The following MCF2L2 variants were observed in gnomAD, a reference collection of about 807,000 sequenced individuals.
MCF2L2 encodes probable guanine nucleotide exchange factor MCF2L2.
MCF2L2 carries 102 observed loss-of-function variants against 150.2 expected under a neutral mutation model. The observed-to-expected ratio is 0.68, with a 90% CI of 0.58 to 0.80. The LOEUF (loss-of-function observed/expected upper bound fraction) is 0.80, where lower values mean the gene tolerates loss of function less well. Among genes scored for constraint, MCF2L2 ranks in the 30% least tolerant of loss-of-function variants. The probability of loss-of-function intolerance (pLI) is 0.00; values close to 1 mark genes in which losing one functional copy is unlikely to be tolerated. For missense variants in MCF2L2, 1,256 were observed against 1,372.8 expected (o/e 0.91, Z 1.34); for synonymous variants, 465 against 491.3 (o/e 0.95, Z 0.71).
rs749060886 is a variant in MCF2L2, at chr3:183,338,861, T to C, written c.425A>G (p.Gln142Arg). The change falls in exon 5 of 30, where the codon CAG becomes CGG. Residue 142 changes from glutamine to arginine, a missense_variant. By Grantham distance (43) the Gln-to-Arg change is conservative (BLOSUM62 1). Coordinates refer to ENST00000328913, the MANE Select transcript of MCF2L2 (RefSeq NM_015078.4). ...AATGCCAATGTCAGTGAATGTCCTCTGGATAAAGCGAGATGGACGAAGGAT... is the reference window on the plus strand; with the variant it reads ...AATGCCAATGTCAGTGAATGTCCTCCGGATAAAGCGAGATGGACGAAGGAT... ...IFILRPSRFI[Q>R]RTFTDIGIKY... 3 of 1,608,622 alleles carry C rather than the reference T, an allele frequency of 1.9e-6. No homozygotes were observed. The highest frequency in any genetic ancestry group is 1.1e-5 in the South Asian group (1 of 90,574).
intron 13 of MCF2L2, among the ~76,000 whole-genome samples, chr3:183,293,908 G>A (rs1007052739): frequency 1.8e-4 from 27 of 151,948 alleles, no homozygotes; most frequent in African/African-American, 6.0e-4. Context: ...CACTCAAAAC[G>A]ACTGCATTGT....
chr3:183,345,409 CA>C (rs1409520694), intron 3 of MCF2L2, among the ~76,000 whole-genome samples: 10 of 152,160 alleles, frequency 6.6e-5, no homozygotes, highest in East Asian at 5.8e-4. Flanking sequence ...CTCTGGGACA[CA>C]GCTAAAGCAG....
At position 183,199,065 on chromosome 3, in the gene MCF2L2, CT is replaced by C. The variant is rs1722168904; in HGVS notation, c.2885-3811del. 2.0e-5 allele frequency among the ~76,000 whole-genome samples: 3 copies of C among 152,176 alleles called. No individual in the cohort carries two copies. The South Asian group carries it at 6.2e-4, about 32-fold the overall frequency. ...AGTTACCTACAGTTTAAATCAAGAA[CT>C]TATGTTGCTTGGTTTTTGTGACAGA... On this transcript the variant is annotated intron_variant, in intron 25 of 29. Coordinates refer to ENST00000328913, the MANE Select transcript of MCF2L2 (RefSeq NM_015078.4).
rs1472052523 is a variant in MCF2L2, at chr3:183,251,701, C to T, written c.1863-20684G>A. ...ATGCACTCCCTCTTGATAAAAGTAA[C>T]TGAGCATAGCACCATCAATACCATC... On this transcript the variant is annotated intron_variant, in intron 15 of 29. Coordinates refer to ENST00000328913, the MANE Select transcript of MCF2L2 (RefSeq NM_015078.4). Among the ~76,000 whole-genome samples, 8 of 152,072 alleles carry T rather than the reference C, an allele frequency of 5.3e-5. No homozygotes were observed. In the East Asian group the frequency reaches 1.5e-3, roughly 29 times the overall value.
At chr3:183,206,914 A>AAAGGAAGGAAGGAAGGAAGG (rs199935132) in intron 23 of MCF2L2, among the ~76,000 whole-genome samples, 1 of 123,360 alleles carries the variant, frequency 8.1e-6, no homozygotes, top group African/African-American at 3.1e-5. Flanking sequence ...AGAAAGAAAG[A>AAAGGAAGGAAGGAAGGAAGG]AAGGAAGGAA....
intron 20 of MCF2L2, among the ~76,000 whole-genome samples, chr3:183,220,952 T>G (rs771292652): frequency 3.3e-5 from 5 of 152,224 alleles, no homozygotes; most frequent in African/African-American, 7.2e-5. Context: ...CTGTCTTTAA[T>G]GGTATAAGCT....
intron 3 of MCF2L2, among the ~76,000 whole-genome samples, chr3:183,356,196 A>T (rs141688918): frequency 0.011 from 1,599 of 150,372 alleles, 72 homozygotes; most frequent in Admixed American, 0.071. Context: ...CTCTGCCTCT[A>T]GAGCAAAGTA....
At chr3:183,293,473 A>C (rs1430044015) in intron 13 of MCF2L2, among the ~76,000 whole-genome samples, 1 of 152,176 alleles carries the variant, frequency 6.6e-6, no homozygotes, top group Non-Finnish European at 1.5e-5. Context: ...AAAGAAGAAA[A>C]ACCATATCAT....
At chr3:183,266,032 C>T (rs1406786844) in intron 15 of MCF2L2, 1 of 152,152 alleles carries the variant, frequency 6.6e-6, no homozygotes, top group Non-Finnish European at 1.5e-5. Context: ...AAGATAAATA[C>T]GTACATGTTG....
chr3:183,422,807 C>T (rs750601408), intron 1 of MCF2L2, among the ~76,000 whole-genome samples: 4 of 152,134 alleles, frequency 2.6e-5, no homozygotes, highest in African/African-American at 4.8e-5. Context: ...AAACAACTTC[C>T]AGAGGCTTTA....
At position 183,341,570 on chromosome 3, in the gene MCF2L2, GCTCCACTTGT is replaced by G; in HGVS notation, c.326_335del (p.Asp109AlafsTer3). 1 of 1,613,958 alleles carries G rather than the reference GCTCCACTTGT, an allele frequency of 6.2e-7. No homozygotes were observed. The highest frequency in any genetic ancestry group is 8.5e-7 in the Non-Finnish European group (1 of 1,179,826). On this transcript the variant is annotated frameshift_variant, in exon 4 of 30. Transcript: ENST00000328913. LOFTEE classifies it high-confidence loss of function. ...TTCGTGTCAAGGATGCCTTTACGGA[GCTCCACTTGT>G]CTCTTCGTCTGTCGATAACAACAAT...
rs753403674 is a variant in MCF2L2, at chr3:183,270,108, C to T, written c.1862+6764G>A. 2.4e-5 allele frequency: 38 copies of T among 1,614,066 alleles called. No individual in the cohort carries two copies. The highest frequency in any genetic ancestry group is 3.1e-5 in the Non-Finnish European group (37 of 1,180,042). On this transcript the variant is annotated intron_variant, in intron 15 of 29. Transcript: ENST00000328913. The surrounding 1 kb of genome is among the most constrained non-coding windows in gnomAD (Gnocchi z 4.5). ...AACTGCTCCTGAAAACTATGATCGACGTTCCGGAATTAGAAGGACGTGGGG... is the reference window on the plus strand; with the variant it reads ...AACTGCTCCTGAAAACTATGATCGATGTTCCGGAATTAGAAGGACGTGGGG...
chr3:183,387,376 G>C (rs141207559), intron 2 of MCF2L2, among the ~76,000 whole-genome samples: 28 of 152,248 alleles, frequency 1.8e-4, no homozygotes, highest in Non-Finnish European at 3.7e-4. Flanking sequence ...AAGCAGAAGT[G>C]TCTTCTGCGC....
chr3:183,358,761 C>T (rs904918631), intron 3 of MCF2L2, among the ~76,000 whole-genome samples: 1 of 151,972 alleles, frequency 6.6e-6, no homozygotes, highest in African/African-American at 2.4e-5. Flanking sequence ...GCTGGGACTA[C>T]AGGCATGTTC....
At chr3:183,293,026 G>C (rs1304388849) in intron 13 of MCF2L2, among the ~76,000 whole-genome samples, 1 of 152,204 alleles carries the variant, frequency 6.6e-6, no homozygotes, top group Non-Finnish European at 1.5e-5. Flanking sequence ...AATGATGATG[G>C]ATGTAAACAT....
At chr3:183,312,876 C>G (rs1017659634) in intron 7 of MCF2L2, among the ~76,000 whole-genome samples, 1 of 152,188 alleles carries the variant, frequency 6.6e-6, no homozygotes, top group Non-Finnish European at 1.5e-5. Context: ...ACTTGGCTTC[C>G]CTGAGCTGGC....
chr3:183,315,462 C>A (rs1729565974), intron 7 of MCF2L2, among the ~76,000 whole-genome samples: 1 of 152,078 alleles, frequency 6.6e-6, no homozygotes, highest in Non-Finnish European at 1.5e-5. Context: ...TTAAATGGAA[C>A]CTTCTAATTT....
In MCF2L2 at chr3:183,219,851, A is replaced by G. The variant is rs752359273; in HGVS notation, c.2370+5T>C. ...ATATAAAATGTAATATTTAATATTG[A>G]GTACCTTAGCCGAGCCTCCTAGTTC... On this transcript the variant is annotated splice_donor_5th_base_variant and intron_variant, in intron 21 of 29. Transcript: ENST00000328913. 17 of 1,593,854 alleles carry G rather than the reference A, an allele frequency of 1.1e-5. No homozygotes were observed. Among genetic ancestry groups the G allele is most frequent in the Non-Finnish European group, 1.5e-5 (17 of 1,161,834 alleles).
At chr3:183,337,384 C>T (rs761054339) in intron 5 of MCF2L2, among the ~76,000 whole-genome samples, 2 of 151,790 alleles carry the variant, frequency 1.3e-5, no homozygotes, top group Non-Finnish European at 2.9e-5. Flanking sequence ...TGGTAAAACC[C>T]CGTCTCTACT....
Sources: allele counts gnomAD v4.1 joint callset (sites outside exome capture counted in the v4.1 genomes callset), GRCh38; gene constraint gnomAD v4.1.1; non-coding constraint Gnocchi (gnomAD v3.1); transcripts MANE v1.5; gene names NCBI Gene and HGNC (gene_info 2026-07-23, HGNC 2026-07-21).